NWD2: variants seen among roughly 807,000 people sequenced by gnomAD.
NWD2 encodes the protein NACHT and WD repeat domain containing 2.
NWD2 carries 37 observed loss-of-function variants against 132.7 expected under a neutral mutation model. The observed-to-expected ratio is 0.28, with a 90% CI of 0.21 to 0.37. The LOEUF is 0.37. Ranked by LOEUF, NWD2 falls within the 10% of genes least tolerant of loss-of-function variation. The pLI, the probability that NWD2 is intolerant of heterozygous loss-of-function variation, is 1.00. For synonymous variants in NWD2, 705 were observed against 803.0 expected, an observed-to-expected ratio of 0.88 and a Z score of 2.06; for missense variants, 1,592 against 2,122.4, an observed-to-expected ratio of 0.75 and a Z score of 4.91.
chr4:37,393,575 T>C (rs1720721563), intron 3 of NWD2, among the ~76,000 whole-genome samples: 1 of 152,194 alleles, frequency 6.6e-6, no homozygotes, highest in Non-Finnish European at 1.5e-5. Flanking sequence ...ACAGACTCCT[T>C]AACGGGCCAT....
intron 3 of NWD2, among the ~76,000 whole-genome samples, chr4:37,415,432 C>T (rs1711568019): frequency 6.6e-6 from 1 of 152,116 alleles, no homozygotes; most frequent in South Asian, 2.1e-4. Flanking sequence ...AGGCCAGGCA[C>T]GGTGGCTTAC....
intron 1 of NWD2, among the ~76,000 whole-genome samples, chr4:37,317,745 A>C (rs571230976): frequency 6.6e-6 from 1 of 152,346 alleles, no homozygotes; most frequent in Admixed American, 6.5e-5. Flanking sequence ...TATTGGGAAG[A>C]GAATCCACTA....
chr4:37,405,737 C>T (rs377564513), intron 3 of NWD2, among the ~76,000 whole-genome samples: 6 of 152,250 alleles, frequency 3.9e-5, no homozygotes, highest in South Asian at 2.1e-4. Flanking sequence ...GTCTAAGGGA[C>T]GCATTTTTAT....
intron 2 of NWD2, among the ~76,000 whole-genome samples, chr4:37,349,689 A>C (rs1037672330): frequency 6.6e-6 from 1 of 152,148 alleles, no homozygotes; most frequent in Non-Finnish European, 1.5e-5. Flanking sequence ...CTTCAGTTTA[A>C]TTAGATCCTA....
In NWD2 at chr4:37,439,475, C is replaced by T. The variant is rs1434793578; in HGVS notation, c.1296+85C>T. On this transcript the variant is annotated intron_variant, in intron 6 of 6. Transcript: ENST00000309447. This position sits in a 1 kb window ranked among gnomAD's most constrained non-coding sequence, Gnocchi z 4.5. ...AATTAATCAAATTCATTTCTACTTTCTGAGTTTACTATGTGAATTATAGTT... is the reference window on the plus strand; with the variant it reads ...AATTAATCAAATTCATTTCTACTTTTTGAGTTTACTATGTGAATTATAGTT... 6.3e-6 allele frequency: 6 copies of T among 951,898 alleles called. No homozygotes were observed. The highest frequency in any genetic ancestry group is 1.7e-5 in the African/African-American group (1 of 60,218). The allele number at this position is 951,898 out of a possible 1,614,324, so 59.0% of individuals were successfully genotyped here.
intron 3 of NWD2, among the ~76,000 whole-genome samples, chr4:37,375,379 C>T (rs777389140): frequency 6.6e-6 from 1 of 152,100 alleles, no homozygotes; most frequent in South Asian, 2.1e-4. Flanking sequence ...TGCCAGACCC[C>T]GTGCTAAGTG....
At chr4:37,396,840 C>A (rs568735280) in intron 3 of NWD2, among the ~76,000 whole-genome samples, 41 of 152,242 alleles carry the variant, frequency 2.7e-4, no homozygotes, top group Non-Finnish European at 5.6e-4. Context: ...CGAGACCAGC[C>A]TAGCCAACAT....
chr4:37,275,098 G>A (rs1056645020), intron 1 of NWD2, among the ~76,000 whole-genome samples: 10 of 152,040 alleles, frequency 6.6e-5, no homozygotes, highest in Non-Finnish European at 1.3e-4. Flanking sequence ...GGCAGGAGAA[G>A]GAAATAAAGG....
chr4:37,368,903 A>G (rs769124468), intron 3 of NWD2, among the ~76,000 whole-genome samples: 4 of 152,228 alleles, frequency 2.6e-5, no homozygotes, highest in Non-Finnish European at 4.4e-5. Flanking sequence ...GCTAGAAACA[A>G]GAGACCTAAC....
intron 1 of NWD2, among the ~76,000 whole-genome samples, chr4:37,318,726 T>C (rs1719010078): frequency 6.6e-6 from 1 of 152,026 alleles, no homozygotes; most frequent in Non-Finnish European, 1.5e-5. Context: ...AATAATATTA[T>C]AATATTTTTA....
At chr4:37,347,799 A>G (rs1362620486) in intron 2 of NWD2, among the ~76,000 whole-genome samples, 5 of 152,154 alleles carry the variant, frequency 3.3e-5, no homozygotes, top group Admixed American at 3.3e-4. Flanking sequence ...CATATTTACC[A>G]TTTTTTATTT....
chr4:37,308,291 T>A (rs1718752333), intron 1 of NWD2, among the ~76,000 whole-genome samples: 1 of 152,226 alleles, frequency 6.6e-6, no homozygotes, highest in African/African-American at 2.4e-5. Flanking sequence ...GTTAATTGAA[T>A]AGAGTGCTTT....
chr4:37,338,155 T>C (rs1438437550), intron 2 of NWD2, among the ~76,000 whole-genome samples: 1 of 152,230 alleles, frequency 6.6e-6, no homozygotes, highest in Admixed American at 6.5e-5. Context: ...CCTTGAACAG[T>C]ATTTACCAGA....
intron 3 of NWD2, among the ~76,000 whole-genome samples, chr4:37,360,794 C>T (rs1719966857): frequency 1.3e-5 from 2 of 152,168 alleles, no homozygotes; most frequent in Non-Finnish European, 2.9e-5. Flanking sequence ...CATCCCCATC[C>T]TTCTCCATGC....
chr4:37,446,694 G>T lies in NWD2; in HGVS notation c.4706G>T (p.Arg1569Leu). 1 of 1,551,548 alleles carries T rather than the reference G, an allele frequency of 6.4e-7. No homozygotes were observed. Among genetic ancestry groups the T allele is most frequent in the South Asian group, 1.2e-5 (1 of 84,034 alleles). Residue 1569 changes from arginine to leucine, a missense_variant, in exon 7 of 7, where the codon CGG becomes CTG. Around this residue, in one of 7 missense-constraint regions of NWD2, gnomAD observed 257 missense variants for 335.0 expected, o/e 0.77. Transcript: ENST00000309447. This position sits in a 1 kb window ranked among gnomAD's most constrained non-coding sequence, Gnocchi z 6.7. ...GTTCACGCCTCTGGGATCATCTGGC[G>T]GCAGAGGTTGTCTCGGGATGGTCGC... The part of the protein sequence containing the change: ...RVVHASGIIW[R>L]QRLSRDGRYL...
At chr4:37,334,446 A>G (rs1305651368) in intron 2 of NWD2, among the ~76,000 whole-genome samples, 1 of 152,228 alleles carries the variant, frequency 6.6e-6, no homozygotes, top group East Asian at 1.9e-4. Flanking sequence ...TCTAGTCACT[A>G]TATCTATTTC....
At chr4:37,254,633 T>C (rs1226683961) in intron 1 of NWD2, among the ~76,000 whole-genome samples, 1 of 152,212 alleles carries the variant, frequency 6.6e-6, no homozygotes, top group Non-Finnish European at 1.5e-5. Context: ...TTAGCTTCCA[T>C]TGCAATTTTT....
At chr4:37,271,980 A>G (rs919284973) in intron 1 of NWD2, among the ~76,000 whole-genome samples, 1 of 151,694 alleles carries the variant, frequency 6.6e-6, no homozygotes, top group Non-Finnish European at 1.5e-5. Context: ...GTTCCCATAT[A>G]TTCCTGATTT....
chr4:37,338,703 C>T (rs975594330), intron 2 of NWD2, among the ~76,000 whole-genome samples: 5 of 152,228 alleles, frequency 3.3e-5, no homozygotes, highest in Admixed American at 2.0e-4. Context: ...CAATCACTTA[C>T]TGTCACACTG....
Sources: allele counts gnomAD v4.1 joint callset (sites outside exome capture counted in the v4.1 genomes callset), GRCh38; gene constraint gnomAD v4.1.1; regional missense constraint gnomAD v4.1.1; non-coding constraint Gnocchi (gnomAD v3.1); transcripts MANE v1.5; gene names NCBI Gene and HGNC (gene_info 2026-07-23, HGNC 2026-07-21).